CTNNA2: variants seen among roughly 807,000 people sequenced by gnomAD.
CTNNA2 encodes catenin alpha 2, also known as catenin alpha-2.
A neutral mutation model predicts 101.0 loss-of-function variants in CTNNA2; 42 were observed. That is an observed-to-expected ratio of 0.42 (90% CI 0.32 to 0.54). The LOEUF is 0.54. Among genes scored for constraint, CTNNA2 ranks in the 20% least tolerant of loss-of-function variants. The pLI is 0.14. For missense variants in CTNNA2, 871 were observed against 1,223.1 expected, an observed-to-expected ratio of 0.71 and a Z score of 4.29; for synonymous variants, 450 against 456.4, an observed-to-expected ratio of 0.99 and a Z score of 0.18.
At chr2:79,852,626 T>G (rs1680810072) in intron 3 of CTNNA2, among the ~76,000 whole-genome samples, 1 of 152,374 alleles carries the variant, frequency 6.6e-6, no homozygotes, top group Non-Finnish European at 1.5e-5. Context: ...GAAGTCTCAC[T>G]CCGTCACCAG....
intron 9 of CTNNA2, among the ~76,000 whole-genome samples, chr2:80,434,610 G>C (rs1681866874): frequency 6.6e-6 from 1 of 151,116 alleles, no homozygotes; most frequent in African/African-American, 2.4e-5. Flanking sequence ...ATCCCTTCTG[G>C]GTAGCTGGGA....
chr2:80,051,010 G>C (rs969462315), intron 7 of CTNNA2, among the ~76,000 whole-genome samples: 1 of 152,192 alleles, frequency 6.6e-6, no homozygotes, highest in Admixed American at 6.5e-5. Flanking sequence ...ACAGGCGTGA[G>C]CCATGACACC....
chr2:79,242,993 TACACACAC>T (rs1161415099), intron 2 of CTNNA2, among the ~76,000 whole-genome samples: 3 of 116,726 alleles, frequency 2.6e-5, no homozygotes, highest in East Asian at 5.1e-4. Context: ...TATATATATA[TACACACAC>T]ACACACACAC....
intron 7 of CTNNA2, among the ~76,000 whole-genome samples, chr2:80,364,740 G>A (rs1271693222): frequency 2.0e-5 from 3 of 151,958 alleles, no homozygotes; most frequent in African/African-American, 7.3e-5. Flanking sequence ...TTTAAAATAA[G>A]CCTGCAGAGA....
At chr2:79,682,676 TACTC>T (rs2104650783) in intron 2 of CTNNA2, among the ~76,000 whole-genome samples, 1 of 152,316 alleles carries the variant, frequency 6.6e-6, no homozygotes, top group Non-Finnish European at 1.5e-5. Context: ...TTCCTGAACT[TACTC>T]AGAGTTGAGT....
upstream of CTNNA2, among the ~76,000 whole-genome samples, chr2:79,511,830 T>G (rs1671551362): frequency 6.6e-6 from 1 of 151,974 alleles, no homozygotes; most frequent in Non-Finnish European, 1.5e-5. Context: ...AAGGAGAATT[T>G]AAAAAATGCA....
rs150843535 is a variant in CTNNA2, at chr2:80,583,311, G to A, written c.2007+1492G>A. 3.8e-3 allele frequency among the ~76,000 whole-genome samples: 581 copies of A among 152,222 alleles called. 4 individuals carry two copies. Among genetic ancestry groups the A allele is most frequent in the African/African-American group, 0.013 (560 of 41,546 alleles). Reference sequence around the variant, plus strand: ...AGAAATCCTTTCCGATCACATGATGGTGGGACAACAGAAAAGTTGGCATAG... The same window carrying A: ...AGAAATCCTTTCCGATCACATGATGATGGGACAACAGAAAAGTTGGCATAG... On this transcript the variant is annotated intron_variant, in intron 14 of 18. Coordinates refer to ENST00000402739, the MANE Select transcript of CTNNA2 (RefSeq NM_001282597.3).
intron 3 of CTNNA2, among the ~76,000 whole-genome samples, chr2:79,746,932 C>T (rs1022303373): frequency 5.3e-5 from 8 of 152,276 alleles, no homozygotes; most frequent in African/African-American, 1.9e-4. Flanking sequence ...GCTTAGTACT[C>T]ATTAAATATT....
chr2:80,320,448 C>T (rs1678568274), intron 7 of CTNNA2, among the ~76,000 whole-genome samples: 1 of 152,170 alleles, frequency 6.6e-6, no homozygotes, highest in African/African-American at 2.4e-5. Flanking sequence ...AGGATTGAGC[C>T]TTCACCTTCT....
chr2:80,511,863 T>C (rs1283764987), intron 9 of CTNNA2, among the ~76,000 whole-genome samples: 2 of 151,938 alleles, frequency 1.3e-5, no homozygotes, highest in East Asian at 3.9e-4. Context: ...TAAAAGTATG[T>C]AGGAGGGCCA....
chr2:79,809,360 G>A (rs754475412), intron 3 of CTNNA2, among the ~76,000 whole-genome samples: 6 of 152,122 alleles, frequency 3.9e-5, no homozygotes, highest in Admixed American at 6.5e-5. Flanking sequence ...TTGAGGAATC[G>A]CCACATTGTC....
intron 15 of CTNNA2, among the ~76,000 whole-genome samples, chr2:80,600,157 G>A (rs928884250): frequency 6.6e-6 from 1 of 151,846 alleles, no homozygotes; most frequent in South Asian, 2.1e-4. Flanking sequence ...ATTGGTTACT[G>A]GTTGGAAAAA....
At chr2:80,003,563 A>G (rs1043365839) in intron 7 of CTNNA2, among the ~76,000 whole-genome samples, 1 of 152,132 alleles carries the variant, frequency 6.6e-6, no homozygotes, top group African/African-American at 2.4e-5. Context: ...AAATGAAGCC[A>G]TGAGTTTTTT....
intron 2 of CTNNA2, among the ~76,000 whole-genome samples, chr2:79,726,778 TTCTA>T (rs1195408816): frequency 6.6e-6 from 1 of 152,248 alleles, no homozygotes; most frequent in Non-Finnish European, 1.5e-5. Context: ...GGTAGAGAGA[TTCTA>T]TCTGCCTATT....
chr2:79,870,863 A>G (rs1208089747), intron 5 of CTNNA2, among the ~76,000 whole-genome samples: 1 of 152,086 alleles, frequency 6.6e-6, no homozygotes, highest in East Asian at 1.9e-4. Flanking sequence ...TCCTCGACAC[A>G]TGGGGATTAT....
intron 3 of CTNNA2, among the ~76,000 whole-genome samples, chr2:79,757,067 T>C (rs1260974284): frequency 1.3e-5 from 2 of 152,196 alleles, no homozygotes; most frequent in Admixed American, 6.5e-5. Flanking sequence ...CCCTACATAT[T>C]TACTCTGCTG....
In CTNNA2 at chr2:79,712,075, C is replaced by G. The variant is rs145112817; in HGVS notation, c.103-32312C>G. On this transcript the variant is annotated intron_variant, in intron 2 of 18. Transcript: ENST00000402739. ...GCATTGATAAAACTGACAATAACTG[C>G]ATTTATTGAGCACTTACTATATCTG... Among the ~76,000 whole-genome samples the G allele has an allele frequency of 7.9e-4, 120 of 152,250 alleles. 1 individual carries two copies. Among genetic ancestry groups the G allele is most frequent in the African/African-American group, 2.7e-3 (114 of 41,548 alleles).
chr2:80,140,218 A>G (rs1466376105), intron 7 of CTNNA2, among the ~76,000 whole-genome samples: 2 of 152,110 alleles, frequency 1.3e-5, no homozygotes, highest in Admixed American at 1.3e-4. Flanking sequence ...AACCAAATGC[A>G]CCCCACTATC....
At chr2:79,291,251 T>C (rs1407593268) in intron 2 of CTNNA2, among the ~76,000 whole-genome samples, 1 of 152,220 alleles carries the variant, frequency 6.6e-6, no homozygotes, top group Non-Finnish European at 1.5e-5. Context: ...TATCTTATTT[T>C]GTCTATGCTA....
Sources: gnomAD v4.1 joint callset for allele counts (sites outside exome capture counted in the v4.1 genomes callset) on GRCh38, gnomAD v4.1.1 for gene constraint, MANE v1.5 for transcripts, NCBI Gene and HGNC (gene_info 2026-07-23, HGNC 2026-07-21) for gene names.